Variants in ITGB8 observed in about 807,000 individuals in gnomAD.
ITGB8 encodes the protein integrin beta-8.
A neutral mutation model predicts 89.5 loss-of-function variants in ITGB8; 30 were observed. The ratio of observed to expected loss-of-function variants is 0.34; its 90% CI spans 0.25 to 0.45. ITGB8 has a LOEUF of 0.45. Ranked by LOEUF, ITGB8 falls within the 20% of genes least tolerant of loss-of-function variation. The probability of loss-of-function intolerance (pLI) is 1.00; values close to 1 mark genes in which losing one functional copy is unlikely to be tolerated. For synonymous variants in ITGB8, 335 were observed against 320.4 expected (o/e 1.05, Z -0.49); for missense variants, 836 against 933.3 (o/e 0.90, Z 1.36).
chr7:20,413,549 C>A lies in ITGB8; in HGVS notation c.*3552C>A, dbSNP rs755756130. 6.6e-5 allele frequency: 10 copies of A among 152,304 alleles called. No individual in the cohort carries two copies. Among genetic ancestry groups the A allele is most frequent in the Admixed American group, 4.6e-4 (7 of 15,252 alleles). 9.4% of individuals were successfully genotyped at this position (152,304 alleles called of 1,614,324 possible). ...TTTTCTTACTCCTGTTTTTTCCACT[C>A]ACTCTTCCCAAGAGATTTCCTAAAG... On this transcript the variant is annotated 3_prime_UTR_variant, in exon 14 of 14. Transcript: ENST00000222573.
chr7:20,364,785 T>C (rs1450000700), intron 2 of ITGB8: 2 of 152,300 alleles, frequency 1.3e-5, no homozygotes, highest in Non-Finnish European at 2.9e-5. Context: ...TATTCTAGCA[T>C]CTCCCTTTCC....
At chr7:20,367,232 T>A (rs1299540047) in intron 3 of ITGB8, 46 bp downstream of exon 3, 1 of 1,418,106 alleles carries the variant, frequency 7.1e-7, no homozygotes, top group African/African-American at 1.4e-5. Context: ...TAACTTGAAA[T>A]TGCAATTTAC....
At chr7:20,367,496 CA>C (rs1390032914) in intron 3 of ITGB8, among the ~76,000 whole-genome samples, 6 of 152,168 alleles carry the variant, frequency 3.9e-5, no homozygotes, top group Middle Eastern at 3.4e-3. Flanking sequence ...ATGTTTATTC[CA>C]CTCTCTTTTT....
rs1387744007 is a variant in ITGB8, at chr7:20,391,479, A to G, written c.1037A>G (p.Lys346Arg). 4.4e-6 allele frequency: 7 copies of G among 1,588,390 alleles called. No individual in the cohort carries two copies. In the South Asian group the frequency reaches 8.0e-5, roughly 18 times the overall value. The change falls in exon 7 of 14, where the codon AAA becomes AGA. Residue 346 changes from lysine (K) to arginine (R), a missense_variant. By Grantham distance (26) the Lys-to-Arg change is conservative. Transcript: ENST00000222573. ...NINVIFAVQGKQFHWYKDLLP... is the reference protein window; with the variant it reads ...NINVIFAVQGRQFHWYKDLLP... ...AATGTCATCTTTGCAGTTCAAGGAA[A>G]ACAATTTCATTGGTATAAGGTATGT...
intron 7 of ITGB8, among the ~76,000 whole-genome samples, chr7:20,392,812 CT>C: frequency 6.6e-6 from 1 of 152,238 alleles, no homozygotes; most frequent in Non-Finnish European, 1.5e-5. Context: ...TATTTAATTC[CT>C]TGTTTACCCA....
intron 1 of ITGB8, among the ~76,000 whole-genome samples, chr7:20,359,895 AC>A (rs1337363777): frequency 2.0e-5 from 3 of 152,148 alleles, no homozygotes; most frequent in Admixed American, 6.5e-5. Flanking sequence ...TATAACCATG[AC>A]ACTCTCCAGA....
intron 12 of ITGB8, among the ~76,000 whole-genome samples, chr7:20,409,121 T>A (rs1353095225): frequency 6.6e-6 from 1 of 152,228 alleles, no homozygotes; most frequent in East Asian, 1.9e-4. Flanking sequence ...CTTCTGCAGA[T>A]GTTTACTTTA....
In ITGB8 at chr7:20,381,840, A is replaced by C; in HGVS notation, c.915A>C (p.Gly305=). The C allele has an allele frequency of 6.2e-7, 1 of 1,613,906 alleles. No individual in the cohort carries two copies. The highest frequency in any genetic ancestry group is 8.5e-7 in the Non-Finnish European group (1 of 1,179,888). ...CAGGCATAGTGGTGCCCAATGACGG[A>C]AACTGTCATCTGAAAAACAACGTCT... ...KLAGIVVPND[G]NCHLKNNVYV... is the part of the protein sequence containing the mutation. Residue 305 remains glycine (G), a synonymous_variant, in exon 6 of 14, where the codon GGA becomes GGC. Transcript: ENST00000222573.
intron 1 of ITGB8, 187 bp downstream of exon 1, chr7:20,332,120 C>T: frequency 1.6e-6 from 2 of 1,267,064 alleles, no homozygotes; most frequent in Non-Finnish European, 2.1e-6. Flanking sequence ...CATTTCTGCC[C>T]TGGAGCGACA....
intron 1 of ITGB8, among the ~76,000 whole-genome samples, chr7:20,343,537 C>T (rs16872514): frequency 0.022 from 3,325 of 152,232 alleles, 118 homozygotes; most frequent in African/African-American, 0.076. Flanking sequence ...CCCTAAAACC[C>T]TGCACAATGC....
chr7:20,409,501 G>C, intron 12 of ITGB8, 114 bp from the exon 13 acceptor site: 4 of 677,768 alleles, frequency 5.9e-6, no homozygotes, highest in East Asian at 2.9e-5. Flanking sequence ...TGAAAATGGA[G>C]ATTTGCAAAT....
intron 6 of ITGB8, among the ~76,000 whole-genome samples, chr7:20,391,058 T>C (rs1786834394): frequency 6.6e-6 from 1 of 152,096 alleles, no homozygotes; most frequent in South Asian, 2.1e-4. Flanking sequence ...TAGAATGTGA[T>C]TGCCACTAAC....
At position 20,410,115 on chromosome 7, in the gene ITGB8, T is replaced by G; in HGVS notation, c.*118T>G. The G allele has an allele frequency of 2.0e-6, 2 of 994,696 alleles. No individual in the cohort carries two copies. Among genetic ancestry groups the G allele is most frequent in the Non-Finnish European group, 3.0e-6 (2 of 667,254 alleles). The allele number at this position is 994,696 out of a possible 1,614,324, so 61.6% of individuals were successfully genotyped here. A position where few individuals can be genotyped will look rare whatever the true frequency, so the allele number is the denominator to read the frequency against. Reference sequence around the variant, plus strand: ...GCTCACGGTCATGCCAGTTGCTGGTTGTACACTCGAACGAAGACTGACAAG... The same window carrying G: ...GCTCACGGTCATGCCAGTTGCTGGTGGTACACTCGAACGAAGACTGACAAG... On this transcript the variant is annotated 3_prime_UTR_variant, in exon 14 of 14. Coordinates refer to ENST00000222573, the MANE Select transcript of ITGB8 (RefSeq NM_002214.3).
At chr7:20,401,686 A>T in intron 9 of ITGB8, 35 bp from the exon 10 acceptor site, 2 of 1,252,368 alleles carry the variant, frequency 1.6e-6, no homozygotes, top group Non-Finnish European at 1.1e-6. Flanking sequence ...TAATTAAGGT[A>T]TATAAATATA....
chr7:20,388,301 T>C (rs1208930904), intron 6 of ITGB8, among the ~76,000 whole-genome samples: 2 of 152,190 alleles, frequency 1.3e-5, no homozygotes, highest in Non-Finnish European at 2.9e-5. Flanking sequence ...AAACAATATG[T>C]AATGGGTTAG....
At position 20,370,770 on chromosome 7, in the gene ITGB8, C is replaced by G. The variant is rs1014674321; in HGVS notation, c.388+3584C>G. 4.6e-5 allele frequency among the ~76,000 whole-genome samples: 7 copies of G among 152,088 alleles called. 1 individual carries two copies. In the East Asian group the frequency reaches 1.3e-3, roughly 29 times the overall value. On this transcript the variant is annotated intron_variant, in intron 3 of 13. Transcript: ENST00000222573. The stretch of plus-strand genomic sequence containing the variant: ...AGATTACAGGAGCCTGCCACCATGC[C>G]TGGCAAATTTGTTTTGTATTTTTAG...
chr7:20,392,610 G>T (rs1786907840), intron 7 of ITGB8, among the ~76,000 whole-genome samples: 1 of 152,052 alleles, frequency 6.6e-6, no homozygotes, highest in Non-Finnish European at 1.5e-5. Context: ...AGGGCTTTCA[G>T]GGTGTCTGTC....
chr7:20,331,783 G>A lies in ITGB8; in HGVS notation c.-24G>A. On this transcript the variant is annotated 5_prime_UTR_variant, in exon 1 of 14. Coordinates refer to ENST00000222573, the MANE Select transcript of ITGB8 (RefSeq NM_002214.3). ...CGTCCGGAAGGCAGTCAGGCGGCGG[G>A]CGCGGGGCGGGCTGTTTTGCATTAT... is the stretch of plus-strand genomic sequence containing the variant. The A allele has an allele frequency of 6.2e-7, 1 of 1,604,382 alleles. No homozygotes were observed. Among genetic ancestry groups the A allele is most frequent in the Non-Finnish European group, 8.5e-7 (1 of 1,175,716 alleles).
chr7:20,347,170 C>T (rs982689564), intron 1 of ITGB8, among the ~76,000 whole-genome samples: 6 of 152,146 alleles, frequency 3.9e-5, no homozygotes, highest in East Asian at 1.9e-4. Context: ...TCCAAAACTG[C>T]GAGAAATAAA....
Sources: gnomAD v4.1 joint callset for allele counts (sites outside exome capture counted in the v4.1 genomes callset) on GRCh38, gnomAD v4.1.1 for gene constraint, MANE v1.5 for transcripts, NCBI Gene and HGNC (gene_info 2026-07-23, HGNC 2026-07-21) for gene names.